Variants in LINGO2 observed in about 807,000 individuals in gnomAD.
The protein encoded by LINGO2 is leucine-rich repeat and immunoglobulin-like domain-containing nogo receptor-interacting protein 2.
A neutral mutation model predicts 30.6 loss-of-function variants in LINGO2; 14 were observed. That is an observed-to-expected ratio of 0.46 (90% CI 0.30 to 0.72). The LOEUF (loss-of-function observed/expected upper bound fraction) is 0.72, where lower values mean the gene tolerates loss of function less well. Ranked by LOEUF, LINGO2 falls within the 30% of genes least tolerant of loss-of-function variation. LINGO2 has a pLI of 0.07. For synonymous variants in LINGO2, 317 were observed against 288.5 expected (o/e 1.10, Z -1.00); for missense variants, 729 against 751.7 (o/e 0.97, Z 0.35).
chr9:29,031,026 TA>T, the LINGO2 span, among the ~76,000 whole-genome samples: 1 of 152,132 alleles, frequency 6.6e-6, no homozygotes. Flanking sequence ...GGACAAAGAC[TA>T]TCCTTATACA....
chr9:28,914,993 A>G, the LINGO2 span, among the ~76,000 whole-genome samples: 2 of 151,930 alleles, frequency 1.3e-5, no homozygotes, highest in Non-Finnish European at 2.9e-5. Flanking sequence ...TTAGCTGGGC[A>G]TGGTGGCACA....
At chr9:28,199,929 C>A in intron 4 of LINGO2, among the ~76,000 whole-genome samples, 1 of 140,272 alleles carries the variant, frequency 7.1e-6, no homozygotes, top group Non-Finnish European at 1.5e-5. Flanking sequence ...GATAACCAAA[C>A]AAAGAACTTC....
At chr9:28,381,355 A>G (rs568262202) in intron 2 of LINGO2, among the ~76,000 whole-genome samples, 2 of 152,232 alleles carry the variant, frequency 1.3e-5, no homozygotes, top group African/African-American at 4.8e-5. Flanking sequence ...TTCAGTCTCC[A>G]TTGGTTGGTG....
chr9:28,012,644 G>A (rs903122956), intron 4 of LINGO2, among the ~76,000 whole-genome samples: 11 of 151,622 alleles, frequency 7.3e-5, no homozygotes, highest in African/African-American at 1.5e-4. Context: ...CCTCCATACC[G>A]CCTGGCCAAG....
intron 2 of LINGO2, among the ~76,000 whole-genome samples, chr9:28,438,994 C>G (rs1233847128): frequency 1.4e-5 from 2 of 144,158 alleles, no homozygotes; most frequent in African/African-American, 2.5e-5. Context: ...TAGATAATAT[C>G]TATACATTAT....
intron 4 of LINGO2, among the ~76,000 whole-genome samples, chr9:28,093,989 C>A (rs747927723): frequency 1.3e-5 from 2 of 152,104 alleles, no homozygotes; most frequent in African/African-American, 4.8e-5. Flanking sequence ...TCCTCCAATA[C>A]ATCTTGGATC....
At chr9:29,079,471 T>C in the LINGO2 span, among the ~76,000 whole-genome samples, 2 of 152,004 alleles carry the variant, frequency 1.3e-5, no homozygotes, top group South Asian at 4.1e-4. Context: ...GATATTAATA[T>C]CTAGATATAC....
At chr9:29,034,834 C>G in the LINGO2 span, among the ~76,000 whole-genome samples, 2 of 152,122 alleles carry the variant, frequency 1.3e-5, no homozygotes, top group South Asian at 2.1e-4. Flanking sequence ...TCAGCACTAT[C>G]GATTTACTGA....
At chr9:28,571,216 A>G (rs1440929867) in intron 1 of LINGO2, among the ~76,000 whole-genome samples, 1 of 151,980 alleles carries the variant, frequency 6.6e-6, no homozygotes, top group Non-Finnish European at 1.5e-5. Context: ...GGGAAAATGC[A>G]TTTTTAAAGC....
chr9:28,036,235 A>T (rs776433641), intron 4 of LINGO2, among the ~76,000 whole-genome samples: 1 of 152,256 alleles, frequency 6.6e-6, no homozygotes, highest in African/African-American at 2.4e-5. Context: ...ACAGCCCATC[A>T]TCATGTAGAA....
chr9:28,818,358 T>TC, the LINGO2 span, among the ~76,000 whole-genome samples: 12 of 152,268 alleles, frequency 7.9e-5, no homozygotes, highest in African/African-American at 2.6e-4. Flanking sequence ...TATTAACTTT[T>TC]CCTTCTAGAG....
chr9:28,957,326 C>A, the LINGO2 span, among the ~76,000 whole-genome samples: 1 of 152,126 alleles, frequency 6.6e-6, no homozygotes. Context: ...ATTCCCCATG[C>A]AATGCAATGC....
chr9:28,658,324 T>G (rs1207572348), intron 1 of LINGO2, among the ~76,000 whole-genome samples: 2 of 152,074 alleles, frequency 1.3e-5, no homozygotes, highest in African/African-American at 2.4e-5. Context: ...TATCCATTAT[T>G]GAAAGTGGAA....
intron 4 of LINGO2, among the ~76,000 whole-genome samples, chr9:28,154,736 G>A (rs531445991): frequency 3.3e-5 from 5 of 152,200 alleles, no homozygotes; most frequent in African/African-American, 7.2e-5. Flanking sequence ...TTGCAACTAC[G>A]CTTACTGAGA....
At chr9:28,463,754 T>C (rs1439590348) in intron 2 of LINGO2, among the ~76,000 whole-genome samples, 1 of 73,518 alleles carries the variant, frequency 1.4e-5, no homozygotes, top group Non-Finnish European at 2.6e-5. Flanking sequence ...ATCATAAAAA[T>C]AAAATGAAAA....
chr9:28,996,348 T>G, the LINGO2 span, among the ~76,000 whole-genome samples: 1 of 152,310 alleles, frequency 6.6e-6, no homozygotes, highest in East Asian at 1.9e-4. Flanking sequence ...CAGTAGAGAA[T>G]GTTGAACTAC....
the LINGO2 span, among the ~76,000 whole-genome samples, chr9:28,916,271 C>A: frequency 2.1e-4 from 32 of 152,144 alleles, no homozygotes; most frequent in African/African-American, 7.2e-4. Flanking sequence ...TTGAAATGAC[C>A]CTGTAAAGCT....
chr9:28,190,581 A>G (rs1416320816), intron 4 of LINGO2, among the ~76,000 whole-genome samples: 1 of 152,186 alleles, frequency 6.6e-6, no homozygotes, highest in Non-Finnish European at 1.5e-5. Flanking sequence ...GAGGACAGTC[A>G]TCTATGAATC....
At chr9:28,311,633 G>A (rs1414777699) in intron 3 of LINGO2, among the ~76,000 whole-genome samples, 1 of 152,112 alleles carries the variant, frequency 6.6e-6, no homozygotes, top group African/African-American at 2.4e-5. Flanking sequence ...TTTCTGTCTG[G>A]CTCACTGGCA....
Sources: gnomAD v4.1 joint callset for allele counts (sites outside exome capture counted in the v4.1 genomes callset) on GRCh38, gnomAD v4.1.1 for gene constraint, MANE v1.5 for transcripts, NCBI Gene and HGNC (gene_info 2026-07-23, HGNC 2026-07-21) for gene names.